IL31RA: variants seen among roughly 807,000 people sequenced by gnomAD.
The protein encoded by IL31RA is interleukin-31 receptor subunit alpha.
A neutral mutation model predicts 83.7 loss-of-function variants in IL31RA; 66 were observed. The ratio of observed to expected loss-of-function variants is 0.79; its 90% CI spans 0.65 to 0.97. The LOEUF is 0.97. Among genes scored for constraint, IL31RA ranks in the 50% least tolerant of loss-of-function variants. The pLI is 0.00. For missense variants in IL31RA, 798 were observed against 919.4 expected (o/e 0.87, Z 1.71); for synonymous variants, 325 against 329.0 (o/e 0.99, Z 0.13).
chr5:55,854,716 G>A (rs1745253413), intron 1 of IL31RA, among the ~76,000 whole-genome samples: 2 of 149,038 alleles, frequency 1.3e-5, no homozygotes, highest in Admixed American at 1.3e-4. Context: ...CTGCACTCCA[G>A]TCTGGGTCAC....
rs1455777768 is a variant in IL31RA, at chr5:55,917,825, C to T, written c.*705C>T. Among the ~76,000 whole-genome samples the T allele has an allele frequency of 2.6e-5, 4 of 151,424 alleles. No homozygotes were observed. Among genetic ancestry groups the T allele is most frequent in the South Asian group, 2.1e-4 (1 of 4,748 alleles). ...GTATGCTGCCGGGCGCAGCTCTGTC[C>T]AGTCTCCAGGGGGCCACTTCCCAGC... On this transcript the variant is annotated 3_prime_UTR_variant, in exon 15 of 15. Coordinates refer to ENST00000652347, the MANE Select transcript of IL31RA (RefSeq NM_139017.7).
intron 7 of IL31RA, 84 bp from the exon 8 acceptor site, chr5:55,899,832 C>G (rs1748698218): frequency 4.4e-6 from 4 of 909,836 alleles, no homozygotes; most frequent in Non-Finnish European, 5.5e-6. Context: ...TTATTCCCCA[C>G]CCTCACCCCC....
chr5:55,840,456 A>G, the IL31RA span, among the ~76,000 whole-genome samples: 2 of 152,202 alleles, frequency 1.3e-5, no homozygotes, highest in Non-Finnish European at 1.5e-5. Flanking sequence ...TGAACATTGG[A>G]TTAAGCTCCA....
intron 1 of IL31RA, 124 bp from the exon 2 acceptor site, chr5:55,859,385 C>G: frequency 1.3e-6 from 1 of 744,626 alleles, no homozygotes; most frequent in Non-Finnish European, 2.4e-6. Context: ...TGATGATAGT[C>G]AACAAATAAA....
At chr5:55,914,752 A>G in intron 13 of IL31RA, 95 bp from the exon 14 acceptor site, 1 of 929,132 alleles carries the variant, frequency 1.1e-6, no homozygotes, top group Non-Finnish European at 1.8e-6. Flanking sequence ...GAAACTTACA[A>G]TTCCCTTTAG....
At chr5:55,908,137 C>G in intron 10 of IL31RA, 128 bp from the exon 11 acceptor site, 2 of 1,283,098 alleles carry the variant, frequency 1.6e-6, no homozygotes, top group Non-Finnish European at 2.2e-6. Flanking sequence ...TCATCAATTC[C>G]CTACTCAACC....
intron 4 of IL31RA, among the ~76,000 whole-genome samples, chr5:55,882,383 G>A (rs1747294204): frequency 6.6e-6 from 1 of 152,118 alleles, no homozygotes; most frequent in South Asian, 2.1e-4. Flanking sequence ...AAAAACAAAA[G>A]CTTTATTTAG....
intron 2 of IL31RA, among the ~76,000 whole-genome samples, chr5:55,864,091 T>C (rs975310285): frequency 1.3e-5 from 2 of 152,102 alleles, no homozygotes; most frequent in African/African-American, 4.8e-5. Context: ...ATGAGAATAA[T>C]ATAAGACTAA....
chr5:55,867,858 C>A (rs890293064), intron 2 of IL31RA, among the ~76,000 whole-genome samples: 8 of 152,114 alleles, frequency 5.3e-5, no homozygotes, highest in Non-Finnish European at 1.5e-5. Flanking sequence ...TATTTACTAT[C>A]ATGAGAATAG....
chr5:55,863,515 G>A (rs1028268386), intron 2 of IL31RA, among the ~76,000 whole-genome samples: 2 of 152,208 alleles, frequency 1.3e-5, no homozygotes, highest in East Asian at 3.8e-4. Flanking sequence ...AGAGTCATGC[G>A]CCATCACTTG....
rs1370642970 is a variant in IL31RA, at chr5:55,883,196, G to A, written c.606+1G>A. On this transcript the variant is annotated splice_donor_variant, in intron 5 of 14. Coordinates refer to ENST00000652347, the MANE Select transcript of IL31RA (RefSeq NM_139017.7). LOFTEE classifies it high-confidence loss of function. The stretch of plus-strand genomic sequence containing the variant: ...CAGGACAGTCAACAGTACCAGCTGG[G>A]TAAGTTATGCCATTATAATAATATT... 1 of 1,611,384 alleles carries A rather than the reference G, an allele frequency of 6.2e-7. No homozygotes were observed. Among genetic ancestry groups the A allele is most frequent in the Admixed American group, 1.7e-5 (1 of 59,884 alleles).
At chr5:55,915,505 T>C (rs1160815885) in intron 14 of IL31RA, among the ~76,000 whole-genome samples, 1 of 152,180 alleles carries the variant, frequency 6.6e-6, no homozygotes, top group Admixed American at 6.5e-5. Context: ...GTTAGGGAAA[T>C]TTTAAGGTTT....
At chr5:55,853,953 A>G (rs1745205984) in intron 1 of IL31RA, among the ~76,000 whole-genome samples, 1 of 152,246 alleles carries the variant, frequency 6.6e-6, no homozygotes, top group Non-Finnish European at 1.5e-5. Flanking sequence ...TTTAGTGGAA[A>G]GAGTCCAGGT....
the IL31RA span, among the ~76,000 whole-genome samples, chr5:55,844,691 T>G: frequency 1.2e-4 from 18 of 152,168 alleles, no homozygotes; most frequent in African/African-American, 4.3e-4. Context: ...TTTACTGCTT[T>G]AAATATTGTG....
chr5:55,846,831 CT>C (rs1464919779), upstream of IL31RA, among the ~76,000 whole-genome samples: 5 of 151,936 alleles, frequency 3.3e-5, no homozygotes, highest in Non-Finnish European at 4.4e-5. Context: ...ACAAAATATT[CT>C]CTGATTTTGA....
At chr5:55,867,554 G>T (rs190787923) in intron 2 of IL31RA, among the ~76,000 whole-genome samples, 1,573 of 152,026 alleles carry the variant, frequency 0.01, 12 homozygotes, top group Middle Eastern at 0.027. Flanking sequence ...TAAATAAGAA[G>T]ACCTAATAAT....
Position 55,908,350 on chromosome 5 carries a change from G to A in IL31RA, c.1440G>A (p.Glu480=). Reference sequence around the variant, plus strand: ...CATGGAAAGAGATTCCCAAGAGTGAGAGAAAGGGTATCATCTGCAACTACA... The same window carrying A: ...CATGGAAAGAGATTCCCAAGAGTGAAAGAAAGGGTATCATCTGCAACTACA... The part of the protein sequence containing the change: ...TITWKEIPKS[E]RKGIICNYTI... The change falls in exon 11 of 15, where the codon GAG becomes GAA. Residue 480 remains glutamate, a synonymous_variant. Coordinates refer to ENST00000652347, the MANE Select transcript of IL31RA (RefSeq NM_139017.7). 6.2e-7 allele frequency: 1 copy of A among 1,614,190 alleles called. No homozygotes were observed. The highest frequency in any genetic ancestry group is 8.5e-7 in the Non-Finnish European group (1 of 1,180,042).
At position 55,868,851 on chromosome 5, in the gene IL31RA, G is replaced by A; in HGVS notation, c.215G>A (p.Cys72Tyr). The change falls in exon 3 of 15, where the codon TGC becomes TAC. Residue 72 changes from cysteine (C) to tyrosine (Y), a missense_variant. Transcript: ENST00000652347. The part of the protein sequence containing the change: ...CVYYYRKNLT[C>Y]TWSPGKETSY... The stretch of plus-strand genomic sequence containing the variant: ...TACTACTATAGGAAAAATTTAACCT[G>A]CACTTGGAGTCCAGGAAAGGAAACC... 6.2e-7 allele frequency: 1 copy of A among 1,611,136 alleles called. No individual in the cohort carries two copies. Among genetic ancestry groups the A allele is most frequent in the Admixed American group, 1.7e-5 (1 of 60,016 alleles).
intron 5 of IL31RA, among the ~76,000 whole-genome samples, chr5:55,885,564 G>A (rs73118468): frequency 0.029 from 4,380 of 152,198 alleles, 120 homozygotes; most frequent in African/African-American, 0.067. Flanking sequence ...GTGCACAGGC[G>A]GGTCCCCAGT....
Sources: allele counts gnomAD v4.1 joint callset (sites outside exome capture counted in the v4.1 genomes callset), GRCh38; gene constraint gnomAD v4.1.1; transcripts MANE v1.5; gene names NCBI Gene and HGNC (gene_info 2026-07-23, HGNC 2026-07-21).